Variants in SAMSN1 observed in about 807,000 individuals in gnomAD.
SAMSN1 encodes SAM domain, SH3 domain and nuclear localization signals 1.
SAMSN1 carries 31 observed loss-of-function variants against 42.0 expected under a neutral mutation model. That is an observed-to-expected ratio of 0.74 (90% CI 0.55 to 1.00). The LOEUF (loss-of-function observed/expected upper bound fraction) is 1.00, where lower values mean the gene tolerates loss of function less well. SAMSN1 is among the 50% of genes least tolerant of loss of function. SAMSN1 has a pLI of 0.00. For synonymous variants in SAMSN1, 178 were observed against 151.9 expected, an observed-to-expected ratio of 1.17 and a Z score of -1.26; for missense variants, 464 against 439.4, an observed-to-expected ratio of 1.06 and a Z score of -0.50.
chr21:14,592,749 C>G (rs1466043406), intron 7 of SAMSN1: 1 of 212,608 alleles, frequency 4.7e-6, no homozygotes, highest in Non-Finnish European at 1.1e-5. Flanking sequence ...AATGTGGAAA[C>G]GGAAATGCAG....
intron 1 of SAMSN1, among the ~76,000 whole-genome samples, chr21:14,656,239 T>A (rs535039310): frequency 2.6e-5 from 4 of 151,788 alleles, no homozygotes; most frequent in African/African-American, 9.6e-5. Context: ...AAAGACGAAG[T>A]CCAAACTTTC....
intron 1 of SAMSN1, among the ~76,000 whole-genome samples, chr21:14,649,652 C>T (rs1167617293): frequency 6.6e-6 from 1 of 151,874 alleles, no homozygotes; most frequent in Non-Finnish European, 1.5e-5. Context: ...CACCTGTAAT[C>T]CCAGCTACTC....
intron 7 of SAMSN1, among the ~76,000 whole-genome samples, chr21:14,488,455 AT>A (rs1306696059): frequency 6.6e-6 from 1 of 152,152 alleles, no homozygotes; most frequent in Non-Finnish European, 1.5e-5. Context: ...AATTTCCAAA[AT>A]TAGTTCTTTT....
At chr21:14,548,209 T>A (rs187199886), upstream of SAMSN1, among the ~76,000 whole-genome samples, 1 of 152,296 alleles carries the variant, frequency 6.6e-6, no homozygotes, top group East Asian at 1.9e-4. Context: ...AAAATGGCAA[T>A]GATAATGCTT....
At chr21:14,547,350 C>T (rs1225444874), upstream of SAMSN1, among the ~76,000 whole-genome samples, 3 of 152,092 alleles carry the variant, frequency 2.0e-5, no homozygotes, top group Non-Finnish European at 4.4e-5. Context: ...CACCCAGAAC[C>T]TCTATTTAAT....
At chr21:14,529,578 G>T (rs759755078) in intron 1 of SAMSN1, among the ~76,000 whole-genome samples, 4 of 152,152 alleles carry the variant, frequency 2.6e-5, no homozygotes, top group Non-Finnish European at 5.9e-5. Context: ...CAGAGTAAGG[G>T]CTGTCGGTAT....
chr21:14,648,304 A>C (rs1186329891), intron 1 of SAMSN1, among the ~76,000 whole-genome samples: 2 of 152,290 alleles, frequency 1.3e-5, no homozygotes, highest in East Asian at 3.9e-4. Context: ...TAGACCTAAA[A>C]CCATAAAAAC....
intron 4 of SAMSN1, among the ~76,000 whole-genome samples, chr21:14,510,666 C>T (rs993643568): frequency 4.5e-5 from 6 of 133,096 alleles, no homozygotes; most frequent in Non-Finnish European, 1.0e-4. Flanking sequence ...CTTTTTCCTG[C>T]CAATCTGGCC....
chr21:14,627,500 A>C lies in SAMSN1; in HGVS notation c.157-11484T>G, dbSNP rs548443771. On this transcript the variant is annotated intron_variant, in intron 2 of 15. Coordinates refer to the SAMSN1 transcript ENST00000647101. ...ATTTAGATATGCTCAAGATGGAAGC[A>C]CTCAGAGTGTGACTTGATCTGACTC... is the stretch of plus-strand genomic sequence containing the variant. Among the ~76,000 whole-genome samples, 5 of 152,276 alleles carry C rather than the reference A, an allele frequency of 3.3e-5. No individual in the cohort carries two copies. The South Asian group carries it at 1.0e-3, about 32-fold the overall frequency.
intron 2 of SAMSN1, among the ~76,000 whole-genome samples, chr21:14,579,884 G>A (rs906121833): frequency 6.6e-6 from 1 of 152,124 alleles, no homozygotes; most frequent in African/African-American, 2.4e-5. Flanking sequence ...ACTAATTCCA[G>A]CACAAGTGGA....
rs1201773390 is a variant in SAMSN1 at position 14,485,924 on chromosome 21, C to T, written c.1110G>A (p.Glu370=). The change falls in exon 8 of 8, where the codon GAG becomes GAA. Residue 370 remains glutamate (E), a synonymous_variant. Coordinates refer to ENST00000400566, the MANE Select transcript of SAMSN1 (RefSeq NM_022136.5). Reference sequence around the variant, plus strand: ...TGGGAATGCGTGTTCAGTCACTTGGCTCTGTGATAATAATCTTATGTACCA... The same window carrying T: ...TGGGAATGCGTGTTCAGTCACTTGGTTCTGTGATAATAATCTTATGTACCA... The part of the protein sequence containing the change: ...SDMVHKIIIT[E]PSD The T allele has an allele frequency of 4.3e-6, 7 of 1,613,144 alleles. No individual in the cohort carries two copies. The highest frequency in any genetic ancestry group is 2.7e-5 in the African/African-American group (2 of 74,880).
At chr21:14,654,031 A>C (rs1419059527) in intron 1 of SAMSN1, among the ~76,000 whole-genome samples, 1 of 152,020 alleles carries the variant, frequency 6.6e-6, no homozygotes, top group East Asian at 1.9e-4. Context: ...TTTAAAATGC[A>C]TGAGTTTGGA....
intron 7 of SAMSN1, chr21:14,592,547 T>C (rs1600950411): frequency 2.6e-5 from 7 of 267,118 alleles, no homozygotes; most frequent in East Asian, 1.1e-4. Context: ...AATTGAAGGA[T>C]TGGATCACAG....
intron 2 of SAMSN1, among the ~76,000 whole-genome samples, chr21:14,633,400 A>T (rs1983381909): frequency 6.6e-6 from 1 of 152,224 alleles, no homozygotes; most frequent in African/African-American, 2.4e-5. Context: ...GAGCCATTTT[A>T]GTGCAGCATG....
intron 2 of SAMSN1, among the ~76,000 whole-genome samples, chr21:14,628,408 T>C (rs1426409887): frequency 6.6e-6 from 1 of 151,966 alleles, no homozygotes; most frequent in Non-Finnish European, 1.5e-5. Flanking sequence ...AATTATTGTG[T>C]CAACTAAAAT....
chr21:14,592,072 T>TAC (rs1213179142), intron 7 of SAMSN1: 3 of 152,188 alleles, frequency 2.0e-5, no homozygotes, highest in African/African-American at 7.2e-5. Context: ...TTGCCAGGAT[T>TAC]ACACAAACCA....
At chr21:14,614,770 G>A (rs1166977753) in intron 3 of SAMSN1, among the ~76,000 whole-genome samples, 15 of 152,252 alleles carry the variant, frequency 9.9e-5, no homozygotes, top group Admixed American at 9.2e-4. Flanking sequence ...GTAAAGTGAT[G>A]TAGGTGTATA....
chr21:14,626,192 GCATTAC>G (rs1416636747), intron 2 of SAMSN1, among the ~76,000 whole-genome samples: 1 of 152,106 alleles, frequency 6.6e-6, no homozygotes, highest in Non-Finnish European at 1.5e-5. Context: ...GAAAACCTAG[GCATTAC>G]CATTCAGGAC....
chr21:14,490,697 G>C (rs1296469649), intron 7 of SAMSN1, among the ~76,000 whole-genome samples: 2 of 152,140 alleles, frequency 1.3e-5, no homozygotes, highest in African/African-American at 2.4e-5. Context: ...TTAAGAATAG[G>C]ATTCCATTCA....
Sources: allele counts gnomAD v4.1 joint callset (sites outside exome capture counted in the v4.1 genomes callset), GRCh38; gene constraint gnomAD v4.1.1; transcripts MANE v1.5; gene names NCBI Gene and HGNC (gene_info 2026-07-23, HGNC 2026-07-21).